RFX2: variants seen among roughly 807,000 people sequenced by gnomAD.
RFX2 encodes DNA-binding protein RFX2.
A neutral mutation model predicts 87.8 loss-of-function variants in RFX2; 20 were observed. The ratio of observed to expected loss-of-function variants is 0.23; its 90% CI spans 0.16 to 0.33. The LOEUF (loss-of-function observed/expected upper bound fraction) is 0.33. Among genes scored for constraint, RFX2 ranks in the 10% least tolerant of loss-of-function variants. RFX2 has a pLI of 1.00. For synonymous variants in RFX2, 397 were observed against 431.3 expected (o/e 0.92, Z 0.98); for missense variants, 767 against 1,012.3 (o/e 0.76, Z 3.29).
In RFX2 at chr19:6,064,108, C is replaced by T. The variant is rs2087477568; in HGVS notation, c.-8-16604G>A. On this transcript the variant is annotated intron_variant, in intron 1 of 17. Transcript: ENST00000303657. This position sits in a 1 kb window ranked among gnomAD's most constrained non-coding sequence, Gnocchi z 4.8. ...ACAGATCCCTCACCCCAACCCCAGACCCTACGTAGCACATTGCCTGCAAAG... is the reference window on the plus strand; with the variant it reads ...ACAGATCCCTCACCCCAACCCCAGATCCTACGTAGCACATTGCCTGCAAAG... Among the ~76,000 whole-genome samples the T allele has an allele frequency of 6.6e-6, 1 of 152,188 alleles. No homozygotes were observed. Among genetic ancestry groups the T allele is most frequent in the Admixed American group, 6.5e-5 (1 of 15,288 alleles).
chr19:6,025,885 A>G (rs2086882265), intron 6 of RFX2, among the ~76,000 whole-genome samples: 1 of 149,164 alleles, frequency 6.7e-6, no homozygotes, highest in Non-Finnish European at 1.5e-5. Flanking sequence ...TCCCGGGTTC[A>G]AGCGATTCTC....
chr19:6,097,349 C>G (rs960449338), intron 1 of RFX2, among the ~76,000 whole-genome samples: 23 of 152,094 alleles, frequency 1.5e-4, no homozygotes, highest in Admixed American at 1.2e-3. Context: ...CTTTCTGAAG[C>G]AACAAAGAGG....
At chr19:6,097,425 T>C (rs2088045714) in intron 1 of RFX2, among the ~76,000 whole-genome samples, 1 of 152,142 alleles carries the variant, frequency 6.6e-6, no homozygotes, top group Admixed American at 6.5e-5. Flanking sequence ...CTCAGCTACC[T>C]GCCCAAAGGA....
intron 1 of RFX2, among the ~76,000 whole-genome samples, chr19:6,049,502 T>C (rs1360290493): frequency 6.6e-6 from 1 of 152,220 alleles, no homozygotes; most frequent in African/African-American, 2.4e-5. Flanking sequence ...TCACAGGCAT[T>C]TACACATGAA....
intron 1 of RFX2, among the ~76,000 whole-genome samples, chr19:6,107,176 G>C (rs1417016005): frequency 6.6e-6 from 1 of 152,018 alleles, no homozygotes; most frequent in Admixed American, 6.6e-5. Flanking sequence ...GGCGCCTGTA[G>C]TCCCAGCTAT....
chr19:6,097,768 A>G (rs1159829607), intron 1 of RFX2, among the ~76,000 whole-genome samples: 1 of 151,998 alleles, frequency 6.6e-6, no homozygotes, highest in Admixed American at 6.5e-5. Context: ...TTGTGTGTGG[A>G]GACAGAGTCT....
intron 1 of RFX2, among the ~76,000 whole-genome samples, chr19:6,100,036 G>A (rs2088094286): frequency 6.6e-6 from 1 of 152,188 alleles, no homozygotes; most frequent in Non-Finnish European, 1.5e-5. Context: ...TAGAGACTCA[G>A]CTCTAGTTTA....
chr19:6,079,770 C>T (rs2087751086), intron 1 of RFX2, among the ~76,000 whole-genome samples: 3 of 151,786 alleles, frequency 2.0e-5, no homozygotes, highest in African/African-American at 7.3e-5. Flanking sequence ...CCTGTAGTCC[C>T]AGCTACTTGG....
chr19:6,013,017 T>C lies in RFX2; in HGVS notation c.868A>G (p.Met290Val), dbSNP rs2086679621. 3 of 1,584,556 alleles carry C rather than the reference T, an allele frequency of 1.9e-6. No individual in the cohort carries two copies. The African/African-American group carries it at 4.1e-5, about 22-fold the overall frequency. Residue 290 changes from methionine (M) to valine (V), a missense_variant, in exon 8 of 18, where the codon ATG becomes GTG. Transcript: ENST00000303657. The surrounding 1 kb of genome is among the most constrained non-coding windows in gnomAD (Gnocchi z 4.1). ...TTCTGGTGCATGGGCTGCTGCCGCA[T>C]GGCCATGTACTGCGTGTCCTCCTGC... ...RLQEDTQYMA[M>V]RQQPMHQKPR...
chr19:6,064,712 G>T lies in RFX2; in HGVS notation c.-8-17208C>A, dbSNP rs1259443150. 6.6e-6 allele frequency among the ~76,000 whole-genome samples: 1 copy of T among 152,236 alleles called. No individual in the cohort carries two copies. The highest frequency in any genetic ancestry group is 1.5e-5 in the Non-Finnish European group (1 of 68,036). On this transcript the variant is annotated intron_variant, in intron 1 of 17. Transcript: ENST00000303657. This position sits in a 1 kb window ranked among gnomAD's most constrained non-coding sequence, Gnocchi z 4.8. ...CAGTGAGGGCAGGGCAACAGGCAGTGCATGTTCTTTCCACATCTCCATGAC... is the reference window on the plus strand; with the variant it reads ...CAGTGAGGGCAGGGCAACAGGCAGTTCATGTTCTTTCCACATCTCCATGAC...
chr19:6,069,525 A>G (rs947530995), intron 1 of RFX2, among the ~76,000 whole-genome samples: 2 of 152,240 alleles, frequency 1.3e-5, no homozygotes, highest in African/African-American at 4.8e-5. Context: ...GGGCTCACCA[A>G]GGAAGAGCAG....
In RFX2 at chr19:6,039,859, G is replaced by A; in HGVS notation, c.522+121C>T. On this transcript the variant is annotated intron_variant, in intron 5 of 17. Transcript: ENST00000303657. The surrounding 1 kb of genome is among the most constrained non-coding windows in gnomAD (Gnocchi z 5.2). Reference sequence around the variant, plus strand: ...GCCCGACTCCATCGTGGGGCCGCCTGGGCCCAGAGCAGACGACAGCCCCTC... The same window carrying A: ...GCCCGACTCCATCGTGGGGCCGCCTAGGCCCAGAGCAGACGACAGCCCCTC... 8.2e-7 allele frequency: 1 copy of A among 1,219,702 alleles called. No individual in the cohort carries two copies. Among genetic ancestry groups the A allele is most frequent in the Admixed American group, 2.9e-5 (1 of 34,070 alleles). The allele number at this position is 1,219,702 out of a possible 1,614,324, so 75.6% of individuals were successfully genotyped here.
At chr19:6,042,833 C>T (rs2087130307) in intron 3 of RFX2, among the ~76,000 whole-genome samples, 1 of 152,236 alleles carries the variant, frequency 6.6e-6, no homozygotes, top group Admixed American at 6.5e-5. Context: ...CAGTGGAAGC[C>T]AAACGCTTTG....
chr19:6,078,145 A>G (rs573297), intron 1 of RFX2: 25,004 of 152,010 alleles, frequency 0.16, 3,021 homozygotes, highest in African/African-American at 0.34. Flanking sequence ...ATCCACAGAG[A>G]CAGAAAGTGG....
In RFX2 at chr19:6,002,940, G is replaced by T. The variant is rs2086514176; in HGVS notation, c.1501-70C>A. 6.6e-7 allele frequency: 1 copy of T among 1,515,548 alleles called. No homozygotes were observed. The highest frequency in any genetic ancestry group is 8.9e-7 in the Non-Finnish European group (1 of 1,126,990). The allele number at this position is 1,515,548 out of a possible 1,614,324, so 93.9% of individuals were successfully genotyped here. A position where few individuals can be genotyped will look rare whatever the true frequency, so the allele number is the denominator to read the frequency against. On this transcript the variant is annotated intron_variant, in intron 13 of 17. Coordinates refer to ENST00000303657, the MANE Select transcript of RFX2 (RefSeq NM_000635.4). This position sits in a 1 kb window ranked among gnomAD's most constrained non-coding sequence, Gnocchi z 6.7. ...CTGTTCCGCTGCGCTCCTTGCAGGG[G>T]TGTGTGGGCTCAGGGACAACACAGG... is the stretch of plus-strand genomic sequence containing the variant.
chr19:6,095,573 G>A (rs1437040424), intron 1 of RFX2, among the ~76,000 whole-genome samples: 2 of 152,164 alleles, frequency 1.3e-5, no homozygotes, highest in African/African-American at 4.8e-5. Context: ...GACCCTGCTG[G>A]AGGTGGGGTA....
Position 6,039,092 on chromosome 19 carries a change from A to T in RFX2, c.522+888T>A, listed in dbSNP as rs2087065052. 6.6e-6 allele frequency among the ~76,000 whole-genome samples: 1 copy of T among 152,240 alleles called. No homozygotes were observed. The highest frequency in any genetic ancestry group is 1.5e-5 in the Non-Finnish European group (1 of 68,040). ...CAAATGGCCCTCAACTAGTGAATGA[A>T]TAAACAAACTGTAGTGTAATAGAAT... On this transcript the variant is annotated intron_variant, in intron 5 of 17. Coordinates refer to ENST00000303657, the MANE Select transcript of RFX2 (RefSeq NM_000635.4). The surrounding 1 kb of genome is among the most constrained non-coding windows in gnomAD (Gnocchi z 5.2).
intron 1 of RFX2, among the ~76,000 whole-genome samples, chr19:6,060,994 C>A (rs1445901913): frequency 6.6e-6 from 1 of 152,156 alleles, no homozygotes; most frequent in African/African-American, 2.4e-5. Flanking sequence ...GGGAAACTCT[C>A]CCCCCGCCAA....
intron 1 of RFX2, among the ~76,000 whole-genome samples, chr19:6,066,121 G>C (rs947809616): frequency 1.3e-5 from 2 of 152,112 alleles, no homozygotes; most frequent in Admixed American, 6.5e-5. Context: ...CGGAGGAGGT[G>C]GGGGAGTGAG....
Sources: gnomAD v4.1 joint callset for allele counts (sites outside exome capture counted in the v4.1 genomes callset) on GRCh38, gnomAD v4.1.1 for gene constraint, Gnocchi (gnomAD v3.1) non-coding constraint, MANE v1.5 for transcripts, NCBI Gene and HGNC (gene_info 2026-07-23, HGNC 2026-07-21) for gene names.